Variants in HSD17B14 observed in about 807,000 individuals in gnomAD.
HSD17B14 encodes hydroxysteroid 17-beta dehydrogenase 14.
Under a neutral mutation model 32.2 loss-of-function variants are expected in HSD17B14, and 32 were observed. That is an observed-to-expected ratio of 0.99 (90% CI 0.75 to 1.33). HSD17B14 has a LOEUF of 1.33. Ranked by LOEUF, HSD17B14 falls within the 40% of genes most tolerant of loss-of-function variation. The pLI, the probability that HSD17B14 is intolerant of heterozygous loss-of-function variation, is 0.00. For synonymous variants in HSD17B14, 140 were observed against 155.4 expected (o/e 0.90, Z 0.74); for missense variants, 370 against 366.5 (o/e 1.01, Z -0.08).
At chr19:48,829,865 A>G (rs2122788024) in intron 5 of HSD17B14, among the ~76,000 whole-genome samples, 1 of 150,958 alleles carries the variant, frequency 6.6e-6, no homozygotes, top group Middle Eastern at 3.4e-3. Context: ...CTGGTCTCAA[A>G]CTCCCGACCT....
chr19:48,823,887 C>T (rs954329580), intron 5 of HSD17B14, among the ~76,000 whole-genome samples: 2 of 151,194 alleles, frequency 1.3e-5, no homozygotes, highest in Admixed American at 6.6e-5. Context: ...GCAATCCGCC[C>T]GCCTAGGCCT....
At chr19:48,831,592 T>C (rs2035335922) in intron 5 of HSD17B14, 76 bp downstream of exon 5, 2 of 989,318 alleles carry the variant, frequency 2.0e-6, no homozygotes, top group Non-Finnish European at 3.3e-6. Context: ...AACATTTTGC[T>C]CTTAGACAAA....
intron 5 of HSD17B14, among the ~76,000 whole-genome samples, chr19:48,818,589 C>T (rs534221094): frequency 5.0e-4 from 76 of 152,222 alleles, no homozygotes; most frequent in Non-Finnish European, 6.8e-4. Context: ...ACGGATCTTG[C>T]CACCCTCACC....
At chr19:48,820,974 T>C (rs2122756640) in intron 5 of HSD17B14, among the ~76,000 whole-genome samples, 1 of 151,770 alleles carries the variant, frequency 6.6e-6, no homozygotes, top group East Asian at 1.9e-4. Context: ...AATGCTAGGA[T>C]TACAGGCGTG....
At chr19:48,814,922 G>A in intron 6 of HSD17B14, 115 bp downstream of exon 6, 1 of 711,122 alleles carries the variant, frequency 1.4e-6, no homozygotes, top group Non-Finnish European at 2.5e-6. Flanking sequence ...GGAGTTAGGT[G>A]TGAGACTTTC....
intron 5 of HSD17B14, among the ~76,000 whole-genome samples, chr19:48,821,510 G>A (rs1250439682): frequency 1.3e-5 from 2 of 152,158 alleles, no homozygotes; most frequent in Admixed American, 6.6e-5. Flanking sequence ...CCACCAGGAA[G>A]GCCAAAGACC....
Position 48,813,166 on chromosome 19 carries a change from T to C in HSD17B14, c.*9A>G, listed in dbSNP as rs371009539. The C allele has an allele frequency of 7.6e-6, 12 of 1,571,976 alleles. No homozygotes were observed. Among genetic ancestry groups the C allele is most frequent in the Non-Finnish European group, 1.0e-5 (12 of 1,157,212 alleles). On this transcript the variant is annotated 3_prime_UTR_variant, in exon 9 of 9. Transcript: ENST00000263278. ...CTAGGAAGGGGGCCCCAAGTAGAAA[T>C]GAGAGAAATCAGGAAGGGATATCGG...
At chr19:48,826,542 T>TATATATATATATATATACACACACAC in intron 5 of HSD17B14, among the ~76,000 whole-genome samples, 11 of 80,110 alleles carry the variant, frequency 1.4e-4, no homozygotes, top group African/African-American at 5.8e-4. Context: ...TATATATATA[T>TATATATATATATATATACACACACAC]ACACACACAC....
intron 4 of HSD17B14, among the ~76,000 whole-genome samples, chr19:48,832,441 C>T (rs1397643104): frequency 2.0e-5 from 3 of 151,876 alleles, no homozygotes; most frequent in Non-Finnish European, 4.4e-5. Flanking sequence ...AGAGACATGG[C>T]CAAGTGAGGG....
rs2035516649 is a variant in HSD17B14, at chr19:48,836,373, G to T, written c.39C>A (p.Val13=). Residue 13 remains valine (V), a synonymous_variant, in exon 1 of 9, where the codon GTC becomes GTA. Coordinates refer to ENST00000263278, the MANE Select transcript of HSD17B14 (RefSeq NM_016246.3). ...CGATGCCGCGCCCGCCCCCGGTCAC[G>T]ACCACCACCTTCCCGGCATAGCGCG... ...TGTRYAGKVV[V]VTGGGRGIGA... 1.2e-6 allele frequency: 2 copies of T among 1,613,370 alleles called. No homozygotes were observed. Among genetic ancestry groups the T allele is most frequent in the African/African-American group, 1.3e-5 (1 of 74,692 alleles).
At chr19:48,826,825 C>T (rs2035259239) in intron 5 of HSD17B14, among the ~76,000 whole-genome samples, 1 of 151,800 alleles carries the variant, frequency 6.6e-6, no homozygotes, top group African/African-American at 2.4e-5. Flanking sequence ...TACTCTTGCT[C>T]CCCTGAGTTC....
At chr19:48,817,366 A>G (rs1350435050) in intron 5 of HSD17B14, among the ~76,000 whole-genome samples, 2 of 150,778 alleles carry the variant, frequency 1.3e-5, no homozygotes, top group African/African-American at 4.9e-5. Context: ...TTTAGTAGAG[A>G]TGGGGTTTCA....
chr19:48,835,955 C>A, intron 1 of HSD17B14, 112 bp from the exon 2 acceptor site: 1 of 912,400 alleles, frequency 1.1e-6, no homozygotes, highest in Non-Finnish European at 1.7e-6. Flanking sequence ...TGACCCCAGT[C>A]TCATGATCAC....
intron 6 of HSD17B14, 66 bp downstream of exon 6, chr19:48,814,971 C>G (rs965055023): frequency 1.1e-5 from 14 of 1,277,752 alleles, no homozygotes; most frequent in African/African-American, 2.9e-5. Context: ...CCTAAGTTGT[C>G]TGGACTCAAA....
chr19:48,828,628 A>G (rs931072243), intron 5 of HSD17B14, among the ~76,000 whole-genome samples: 1 of 151,412 alleles, frequency 6.6e-6, no homozygotes, highest in Non-Finnish European at 1.5e-5. Context: ...ATTAAAATAC[A>G]TTTTTATAAA....
chr19:48,827,288 G>A (rs1029328959), intron 5 of HSD17B14, among the ~76,000 whole-genome samples: 4 of 151,920 alleles, frequency 2.6e-5, no homozygotes, highest in Non-Finnish European at 4.4e-5. Flanking sequence ...TGATCTGCCC[G>A]CCTTAGCCTC....
intron 5 of HSD17B14, among the ~76,000 whole-genome samples, chr19:48,826,525 G>GAAAAAAAAAAAAAAAAA (rs1418028808): frequency 5.8e-4 from 3 of 5,146 alleles, no homozygotes; most frequent in African/African-American, 8.0e-4. Flanking sequence ...AAGAAAAGAA[G>GAAAAAAAAAAAAAAAAA]AAAATATATA....
chr19:48,814,468 G>A (rs896637066), intron 6 of HSD17B14, among the ~76,000 whole-genome samples: 4 of 150,638 alleles, frequency 2.7e-5, no homozygotes, highest in Non-Finnish European at 5.9e-5. Flanking sequence ...GTTGCAGTGA[G>A]CCAAGATCAC....
chr19:48,816,325 ACT>A (rs1335361400), intron 5 of HSD17B14, among the ~76,000 whole-genome samples: 2 of 151,074 alleles, frequency 1.3e-5, no homozygotes, highest in Non-Finnish European at 3.0e-5. Flanking sequence ...CCCCCCACCA[ACT>A]CTTTCAAGCC....
Sources: gnomAD v4.1 joint callset for allele counts (sites outside exome capture counted in the v4.1 genomes callset) on GRCh38, gnomAD v4.1.1 for gene constraint, MANE v1.5 for transcripts, NCBI Gene and HGNC (gene_info 2026-07-23, HGNC 2026-07-21) for gene names.